Variants in PRB4 observed in about 807,000 individuals in gnomAD.
PRB4 encodes the protein basic salivary proline-rich protein 4.
A neutral mutation model predicts 9.1 loss-of-function variants in PRB4; 14 were observed. That is an observed-to-expected ratio of 1.54 (90% confidence interval 1.02 to 2.41). The LOEUF (loss-of-function observed/expected upper bound fraction) is 2.41, where lower values mean the gene tolerates loss of function less well. Ranked by LOEUF, PRB4 falls within the 30% of genes most tolerant of loss-of-function variation. The pLI is 0.00. For synonymous variants in PRB4, 102 were observed against 108.5 expected, an observed-to-expected ratio of 0.94 and a Z score of 0.37; for missense variants, 381 against 299.3, an observed-to-expected ratio of 1.27 and a Z score of -2.02.
At chr12:11,307,505 T>C (rs1862940535) in intron 3 of PRB4, among the ~76,000 whole-genome samples, 1 of 152,212 alleles carries the variant, frequency 6.6e-6, no homozygotes, top group Admixed American at 6.5e-5. Flanking sequence ...TGAAGATATG[T>C]AGTGACCTTC....
In PRB4 at chr12:11,310,321, C is replaced by G; in HGVS notation, c.64+14G>C. 6.2e-7 allele frequency: 1 copy of G among 1,614,202 alleles called. No homozygotes were observed. Among genetic ancestry groups the G allele is most frequent in the South Asian group, 1.1e-5 (1 of 91,088 alleles). ...CCCAAGCAGTCACCGCATCTTTTCC[C>G]CCTTCTGTTTTACCTTCACTTGAAC... On this transcript the variant is annotated intron_variant, in intron 1 of 3. Transcript: ENST00000279575.
Position 11,308,791 on chromosome 12 carries a change from T to A in PRB4, c.192A>T (p.Gly64=), listed in dbSNP as rs755983471. The change falls in exon 3 of 4, where the codon GGA becomes GGT. Residue 64 remains glycine (G), a synonymous_variant. Transcript: ENST00000279575. ...GTGGGGGACCTTGGGACTGGTTTCC[T>A]CCTTGTGGGGGTGGTCCTTGTGGCT... is the stretch of plus-strand genomic sequence containing the variant. ...PGKPQGPPPQ[G]GNQSQGPPPP... is the part of the protein sequence containing the mutation. The A allele has an allele frequency of 6.3e-7, 1 of 1,592,390 alleles. No individual in the cohort carries two copies. The highest frequency in any genetic ancestry group is 8.6e-7 in the Non-Finnish European group (1 of 1,167,632).
rs1331969893 is a variant in PRB4, at chr12:11,308,390, G to C, written c.593C>G (p.Pro198Arg). 6.2e-7 allele frequency: 1 copy of C among 1,603,830 alleles called. No individual in the cohort carries two copies. The highest frequency in any genetic ancestry group is 1.1e-5 in the South Asian group (1 of 90,740). Residue 198 changes from proline (P) to arginine (R), a missense_variant, in exon 3 of 4, where the codon CCA (proline) becomes CGA (arginine). By Grantham distance (103) the Pro-to-Arg change is moderately radical. Coordinates refer to ENST00000279575, the MANE Select transcript of PRB4 (RefSeq NM_002723.6). ...QQEGNKPQGPPPPGKPQGPPP... is the reference protein window; with the variant it reads ...QQEGNKPQGPRPPGKPQGPPP... ...TGGGCCTTGTGGCTTTCCAGGAGGT[G>C]GGGGACCTTGAGGCTTGTTGCCTTC...
intron 3 of PRB4, among the ~76,000 whole-genome samples, chr12:11,308,011 G>A (rs1025594237): frequency 6.6e-6 from 1 of 152,126 alleles, no homozygotes; most frequent in Non-Finnish European, 1.5e-5. Flanking sequence ...CAGATCATAT[G>A]GTATGTTGTT....
Position 11,308,300 on chromosome 12 carries a change from G to T in PRB4, c.683C>A (p.Pro228His), listed in dbSNP as rs747162897. Residue 228 changes from proline to histidine, a missense_variant, in exon 3 of 4, where the codon CCT becomes CAT. Coordinates refer to ENST00000279575, the MANE Select transcript of PRB4 (RefSeq NM_002723.6). ...APPAGKPQGP[P>H]PPPQGGRPPR... is the part of the protein sequence containing the mutation. ...TGGCCTGCCCCCTTGAGGAGGTGGA[G>T]GTGGCCCCTGGGGCTTTCCAGCAGG... The T allele has an allele frequency of 7.5e-6, 12 of 1,609,864 alleles. No individual in the cohort carries two copies. In the South Asian group the frequency reaches 1.2e-4, roughly 16 times the overall value.
At chr12:11,309,259 A>G in intron 2 of PRB4, 111 bp downstream of exon 2, 1 of 1,567,588 alleles carries the variant, frequency 6.4e-7, no homozygotes. Flanking sequence ...AGGGGCAATA[A>G]CATTAATCAA....
At chr12:11,307,858 C>T (rs112885101) in intron 3 of PRB4, among the ~76,000 whole-genome samples, 9 of 152,288 alleles carry the variant, frequency 5.9e-5, no homozygotes, top group African/African-American at 1.9e-4. Flanking sequence ...GAATACTGGA[C>T]TCGAGAGGCT....
chr12:11,308,916 A>T (rs373795827), intron 2 of PRB4, 34 bp from the exon 3 acceptor site: 76 of 1,613,040 alleles, frequency 4.7e-5, no homozygotes, highest in Non-Finnish European at 6.1e-5. Context: ...GCATTCACTG[A>T]ATAGTTGCCA....
intron 1 of PRB4, among the ~76,000 whole-genome samples, chr12:11,309,621 C>G (rs370663978): frequency 8.5e-5 from 13 of 152,286 alleles, no homozygotes; most frequent in African/African-American, 1.2e-4. Flanking sequence ...CAACATAGAA[C>G]AGCCCCTTTT....
At position 11,308,396 on chromosome 12, in the gene PRB4, C is replaced by A. The variant is rs781268573; in HGVS notation, c.587G>T (p.Gly196Val). ...PPQQEGNKPQ[G>V]PPPPGKPQGP... ...TTGTGGCTTTCCAGGAGGTGGGGGA[C>A]CTTGAGGCTTGTTGCCTTCTTGTTG... The change falls in exon 3 of 4, where the codon GGT becomes GTT. Residue 196 changes from glycine (G) to valine (V), a missense_variant. Gly to Val is a moderately radical substitution (Grantham distance 109). Coordinates refer to ENST00000279575, the MANE Select transcript of PRB4 (RefSeq NM_002723.6). 7 of 1,612,338 alleles carry A rather than the reference C, an allele frequency of 4.3e-6. No individual in the cohort carries two copies. Among genetic ancestry groups the A allele is most frequent in the South Asian group, 2.2e-5 (2 of 90,974 alleles).
chr12:11,309,155 T>G (rs556779961), intron 2 of PRB4, among the ~76,000 whole-genome samples: 44 of 152,310 alleles, frequency 2.9e-4, no homozygotes, highest in South Asian at 2.7e-3. Flanking sequence ...AACCCACTCC[T>G]GTTGTCATCT....
At chr12:11,308,179 G>A in intron 3 of PRB4, 42 bp downstream of exon 3, 3 of 1,565,660 alleles carry the variant, frequency 1.9e-6, no homozygotes, top group Non-Finnish European at 2.6e-6. Flanking sequence ...TTGGAGAACT[G>A]TAGCAATTAG....
In PRB4 at chr12:11,308,368, G is replaced by T. The variant is rs146939904; in HGVS notation, c.615C>A (p.Gly205=). The T allele has an allele frequency of 2.8e-3, 4,483 of 1,606,286 alleles. 12 individuals are homozygous for T. The highest frequency in any genetic ancestry group is 3.7e-3 in the Middle Eastern group (22 of 6,010). ...GGGGATTGCCTCCTGCTGGGGGTGG[G>T]CCTTGTGGCTTTCCAGGAGGTGGGG... ...QGPPPPGKPQ[G]PPPAGGNPQQ... Residue 205 remains glycine (G), a synonymous_variant, in exon 3 of 4, where the codon GGC becomes GGA. Transcript: ENST00000279575.
chr12:11,310,274 T>A, intron 1 of PRB4, 61 bp downstream of exon 1: 1 of 1,597,142 alleles, frequency 6.3e-7, no homozygotes, highest in Non-Finnish European at 8.6e-7. Context: ...TTCCCCATAA[T>A]TACCACTGTC....
intron 3 of PRB4, 23 bp downstream of exon 3, chr12:11,308,198 T>G: frequency 6.3e-7 from 1 of 1,591,346 alleles, no homozygotes; most frequent in Non-Finnish European, 8.6e-7. Context: ...AGAGTCCTGA[T>G]GAATAATAAA....
At chr12:11,310,061 C>T (rs1345160702) in intron 1 of PRB4, among the ~76,000 whole-genome samples, 2 of 152,332 alleles carry the variant, frequency 1.3e-5, no homozygotes, top group East Asian at 1.9e-4. Context: ...CTGCCTTGCA[C>T]TCTCCACTGC....
At chr12:11,309,462 CA>C in intron 1 of PRB4, 57 bp from the exon 2 acceptor site, 3 of 1,613,754 alleles carry the variant, frequency 1.9e-6, no homozygotes, top group Non-Finnish European at 2.5e-6. Context: ...TCAAGACTCA[CA>C]AGTGTTCTAC....
At position 11,309,363 on chromosome 12, in the gene PRB4, G is replaced by T; in HGVS notation, c.100+7C>A. ...TCAAAACAGATTGAGAATGAATTGG[G>T]ATTTACCTGATATTAGGAAGAGAGA... On this transcript the variant is annotated splice_region_variant and intron_variant, in intron 2 of 3. Coordinates refer to ENST00000279575, the MANE Select transcript of PRB4 (RefSeq NM_002723.6). The T allele has an allele frequency of 6.2e-7, 1 of 1,614,132 alleles. No individual in the cohort carries two copies. The highest frequency in any genetic ancestry group is 8.5e-7 in the Non-Finnish European group (1 of 1,179,974).
chr12:11,309,412 GAGA>G lies in PRB4; in HGVS notation c.65-10_65-8del. 1 of 1,614,144 alleles carries G rather than the reference GAGA, an allele frequency of 6.2e-7. No individual in the cohort carries two copies. On this transcript the variant is annotated splice_region_variant and splice_polypyrimidine_tract_variant and intron_variant, in intron 1 of 3. Coordinates refer to ENST00000279575, the MANE Select transcript of PRB4 (RefSeq NM_002723.6). ...GATTCTTCCTGGCTGACATCTAGAAGAGAAGCACAGGATGATGGGAAATGTTAC... is the reference window on the plus strand; with the variant it reads ...GATTCTTCCTGGCTGACATCTAGAAGAGCACAGGATGATGGGAAATGTTAC...
Sources: gnomAD v4.1 joint callset for allele counts (sites outside exome capture counted in the v4.1 genomes callset) on GRCh38, gnomAD v4.1.1 for gene constraint, MANE v1.5 for transcripts, NCBI Gene and HGNC (gene_info 2026-07-23, HGNC 2026-07-21) for gene names.